GALNTL6: variants seen among roughly 807,000 people sequenced by gnomAD.
GALNTL6 encodes polypeptide N-acetylgalactosaminyltransferase-like 6.
GALNTL6 carries 46 observed loss-of-function variants against 73.7 expected under a neutral mutation model. That is an observed-to-expected ratio of 0.62 (90% CI 0.49 to 0.80). The LOEUF is 0.80. Ranked by LOEUF, GALNTL6 falls within the 30% of genes least tolerant of loss-of-function variation. The pLI is 0.00. For synonymous variants in GALNTL6, 259 were observed against 263.7 expected, an observed-to-expected ratio of 0.98 and a Z score of 0.17; for missense variants, 604 against 755.0, an observed-to-expected ratio of 0.80 and a Z score of 2.34.
At chr4:172,992,584 C>G in intron 10 of GALNTL6, among the ~76,000 whole-genome samples, 1 of 152,132 alleles carries the variant, frequency 6.6e-6, no homozygotes, top group Non-Finnish European at 1.5e-5. Flanking sequence ...ATCACACATA[C>G]ACACAACATA....
chr4:172,692,493 A>G (rs546543142), intron 5 of GALNTL6, among the ~76,000 whole-genome samples: 1 of 152,246 alleles, frequency 6.6e-6, no homozygotes, highest in Admixed American at 6.5e-5. Context: ...TTTTGGACTC[A>G]GATACTTTTA....
chr4:172,627,671 A>C (rs1340080957), intron 5 of GALNTL6, among the ~76,000 whole-genome samples: 2 of 151,714 alleles, frequency 1.3e-5, no homozygotes, highest in African/African-American at 4.8e-5. Context: ...TTATTTATTC[A>C]ATTTTGAAAC....
At chr4:172,154,050 T>C (rs1318285814) in intron 2 of GALNTL6, among the ~76,000 whole-genome samples, 2 of 151,832 alleles carry the variant, frequency 1.3e-5, no homozygotes, top group Non-Finnish European at 2.9e-5. Context: ...TTTTCTTCTT[T>C]TTTTTTTTCA....
At chr4:172,364,533 T>G (rs1443616820) in intron 5 of GALNTL6, among the ~76,000 whole-genome samples, 1 of 152,198 alleles carries the variant, frequency 6.6e-6, no homozygotes, top group Non-Finnish European at 1.5e-5. Flanking sequence ...TGAAAAACCC[T>G]TTGATCACTG....
intron 2 of GALNTL6, among the ~76,000 whole-genome samples, chr4:172,036,327 C>G (rs1252868871): frequency 6.6e-6 from 1 of 152,074 alleles, no homozygotes; most frequent in Non-Finnish European, 1.5e-5. Context: ...CCATGAAATA[C>G]AGTTCACTGC....
rs551449598 is a variant in GALNTL6 at position 172,574,932 on chromosome 4, G to A, written c.553+226243G>A. 4.4e-3 allele frequency among the ~76,000 whole-genome samples: 273 copies of A among 61,680 alleles called. 2 individuals are homozygous for A. The highest frequency in any genetic ancestry group is 0.037 in the Admixed American group (223 of 6,032). 40.5% of individuals were successfully genotyped at this position (61,680 alleles called of 152,430 possible). The stretch of plus-strand genomic sequence containing the variant: ...TGCATGCATGCATGTGTATACACAC[G>A]CACACATACACACACACACACACAC... On this transcript the variant is annotated intron_variant, in intron 5 of 12. Coordinates refer to ENST00000506823, the MANE Select transcript of GALNTL6 (RefSeq NM_001034845.3).
chr4:172,600,071 AGG>A (rs1277254023), intron 5 of GALNTL6, among the ~76,000 whole-genome samples: 1 of 152,118 alleles, frequency 6.6e-6, no homozygotes, highest in Non-Finnish European at 1.5e-5. Context: ...GTCATAGTAG[AGG>A]TTTTAAATAA....
At chr4:171,857,999 G>C (rs777190975) in intron 2 of GALNTL6, among the ~76,000 whole-genome samples, 1 of 152,130 alleles carries the variant, frequency 6.6e-6, no homozygotes, top group Non-Finnish European at 1.5e-5. Context: ...TCAATGATAT[G>C]GTTAGTGGAA....
intron 5 of GALNTL6, among the ~76,000 whole-genome samples, chr4:172,524,741 T>A (rs893114472): frequency 6.6e-6 from 1 of 152,250 alleles, no homozygotes. Context: ...GACATTCTCT[T>A]AACAGTATCA....
intron 2 of GALNTL6, among the ~76,000 whole-genome samples, chr4:171,896,519 C>G (rs928658830): frequency 1.3e-5 from 2 of 152,136 alleles, no homozygotes; most frequent in Admixed American, 1.3e-4. Context: ...GGTTCTGGAG[C>G]CTAGGAAGTT....
chr4:172,525,955 CTTTAT>C (rs1561122195), intron 5 of GALNTL6, among the ~76,000 whole-genome samples: 1 of 152,104 alleles, frequency 6.6e-6, no homozygotes, highest in Non-Finnish European at 1.5e-5. Context: ...TATTTTATTT[CTTTAT>C]TTTAAGTTCT....
chr4:171,826,972 C>T (rs1734841912), intron 2 of GALNTL6, among the ~76,000 whole-genome samples: 2 of 151,848 alleles, frequency 1.3e-5, no homozygotes, highest in South Asian at 4.2e-4. Flanking sequence ...ATATGCTCAT[C>T]GGGAGTGTCA....
intron 2 of GALNTL6, among the ~76,000 whole-genome samples, chr4:171,980,396 G>T (rs543515139): frequency 6.6e-6 from 1 of 152,246 alleles, no homozygotes; most frequent in African/African-American, 2.4e-5. Flanking sequence ...AAAGACTTTA[G>T]CATGTTGAAA....
intron 5 of GALNTL6, among the ~76,000 whole-genome samples, chr4:172,376,587 C>T (rs892391740): frequency 3.3e-5 from 5 of 151,752 alleles, no homozygotes; most frequent in African/African-American, 1.2e-4. Context: ...CCACGCTAGT[C>T]GCTTTTAACT....
At chr4:172,681,605 G>A (rs909243861) in intron 5 of GALNTL6, among the ~76,000 whole-genome samples, 8 of 152,054 alleles carry the variant, frequency 5.3e-5, no homozygotes, top group Admixed American at 2.0e-4. Context: ...TAATTAAATT[G>A]TAACTTAATA....
intron 2 of GALNTL6, among the ~76,000 whole-genome samples, chr4:172,180,675 A>T (rs920834790): frequency 6.6e-6 from 1 of 152,188 alleles, no homozygotes; most frequent in Non-Finnish European, 1.5e-5. Context: ...ATGGCTAGCC[A>T]GTTTTCCCAA....
At chr4:172,282,262 C>T (rs1178950974) in intron 3 of GALNTL6, among the ~76,000 whole-genome samples, 2 of 152,094 alleles carry the variant, frequency 1.3e-5, no homozygotes, top group African/African-American at 2.4e-5. Context: ...CAGATATCCA[C>T]GTACGTATGA....
chr4:172,786,770 C>A (rs1475363434), intron 5 of GALNTL6, among the ~76,000 whole-genome samples: 4 of 152,010 alleles, frequency 2.6e-5, no homozygotes, highest in Non-Finnish European at 5.9e-5. Context: ...TGTAAAAGGG[C>A]ATATTTAAAC....
In GALNTL6 at chr4:171,977,697, A is replaced by G. The variant is rs7683121; in HGVS notation, c.138+162979A>G. 2.3e-3 allele frequency among the ~76,000 whole-genome samples: 356 copies of G among 152,342 alleles called. 1 individual carries two copies. Among genetic ancestry groups the G allele is most frequent in the African/African-American group, 8.2e-3 (339 of 41,592 alleles). ...TTGTGAGGGTGACACAACTCACCCC[A>G]TGGCAGGTAGAAAGTTACAATTCCA... On this transcript the variant is annotated intron_variant, in intron 2 of 12. Coordinates refer to ENST00000506823, the MANE Select transcript of GALNTL6 (RefSeq NM_001034845.3).
Sources: allele counts gnomAD v4.1 joint callset (sites outside exome capture counted in the v4.1 genomes callset), GRCh38; gene constraint gnomAD v4.1.1; transcripts MANE v1.5; gene names NCBI Gene and HGNC (gene_info 2026-07-23, HGNC 2026-07-21).